The following CNTN4 variants were observed in gnomAD, a reference collection of about 807,000 sequenced individuals.
CNTN4 encodes the protein contactin 4.
Under a neutral mutation model 122.5 loss-of-function variants are expected in CNTN4, and 77 were observed. The ratio of observed to expected loss-of-function variants is 0.63; its 90% confidence interval spans 0.52 to 0.76. The LOEUF (loss-of-function observed/expected upper bound fraction) is 0.76, where lower values mean the gene tolerates loss of function less well. CNTN4 is among the 30% of genes least tolerant of loss of function. The probability of loss-of-function intolerance (pLI) is 0.00; values close to 1 mark genes in which losing one functional copy is unlikely to be tolerated. For missense variants in CNTN4, 1,256 were observed against 1,259.1 expected (o/e 1.00, Z 0.04); for synonymous variants, 512 against 447.0 (o/e 1.15, Z -1.83).
At chr3:2,196,385 A>G (rs984237888) in intron 2 of CNTN4, among the ~76,000 whole-genome samples, 7 of 152,188 alleles carry the variant, frequency 4.6e-5, no homozygotes, top group Non-Finnish European at 1.0e-4. Context: ...CTTAAAGTAT[A>G]ATCTGAGAAC....
At chr3:2,785,501 G>C (rs973258777) in intron 6 of CNTN4, among the ~76,000 whole-genome samples, 3 of 152,182 alleles carry the variant, frequency 2.0e-5, no homozygotes, top group African/African-American at 7.2e-5. Flanking sequence ...TCATCTGGAA[G>C]CACCATTACA....
chr3:2,299,407 T>C (rs997361925), intron 2 of CNTN4, among the ~76,000 whole-genome samples: 2 of 152,268 alleles, frequency 1.3e-5, no homozygotes, highest in Admixed American at 1.3e-4. Context: ...GAGATTGTAG[T>C]GGACCCGTCA....
intron 3 of CNTN4, among the ~76,000 whole-genome samples, chr3:2,547,982 A>T (rs144110111): frequency 2.4e-4 from 36 of 152,212 alleles, no homozygotes; most frequent in Middle Eastern, 3.4e-3. Flanking sequence ...TCCTTTGCCC[A>T]CTTTTTGATG....
intron 3 of CNTN4, among the ~76,000 whole-genome samples, chr3:2,452,120 G>A (rs1411333778): frequency 6.6e-6 from 1 of 152,126 alleles, no homozygotes; most frequent in Non-Finnish European, 1.5e-5. Context: ...TAAAGTGTTA[G>A]CATTGTATAC....
intron 3 of CNTN4, among the ~76,000 whole-genome samples, chr3:2,401,263 G>C (rs755418010): frequency 3.9e-5 from 6 of 152,082 alleles, no homozygotes; most frequent in Admixed American, 2.0e-4. Context: ...ACCCCAAGAG[G>C]TTTCTCAAGG....
chr3:2,967,516 T>C (rs1210113244), intron 13 of CNTN4, among the ~76,000 whole-genome samples: 2 of 152,176 alleles, frequency 1.3e-5, no homozygotes, highest in East Asian at 1.9e-4. Context: ...GCTGTTATTG[T>C]CTTTGTTTTA....
rs542100144 is a variant in CNTN4 at position 2,107,975 on chromosome 3, A to G, written c.-145+7336A>G. ...CTTCTCAAAGCTGATCTCTCCTTAC[A>G]GAGTTATGGAAGGGAAATGGAGGTG... On this transcript the variant is annotated intron_variant, in intron 2 of 24. Transcript: ENST00000418658. Among the ~76,000 whole-genome samples, 4 of 152,226 alleles carry G rather than the reference A, an allele frequency of 2.6e-5. No individual in the cohort carries two copies. The South Asian group carries it at 6.2e-4, about 24-fold the overall frequency.
chr3:2,795,854 T>C (rs571838308), intron 6 of CNTN4, among the ~76,000 whole-genome samples: 1 of 152,278 alleles, frequency 6.6e-6, no homozygotes, highest in South Asian at 2.1e-4. Context: ...ATTTGTCTTG[T>C]ATCCAAAATA....
chr3:2,897,236 A>G (rs911963185), intron 10 of CNTN4, among the ~76,000 whole-genome samples: 16 of 152,192 alleles, frequency 1.1e-4, no homozygotes, highest in African/African-American at 3.9e-4. Flanking sequence ...TATCCAAGAG[A>G]CAAAGTGTGT....
intron 3 of CNTN4, among the ~76,000 whole-genome samples, chr3:2,345,503 C>G (rs560406810): frequency 6.6e-6 from 1 of 152,206 alleles, no homozygotes; most frequent in South Asian, 2.1e-4. Flanking sequence ...AAGGATTATG[C>G]TATGTTGAAT....
chr3:2,177,641 G>A (rs2036811282), intron 2 of CNTN4, among the ~76,000 whole-genome samples: 3 of 134,942 alleles, frequency 2.2e-5, no homozygotes. Context: ...AGAACCAATG[G>A]GATTGTGTGT....
intron 3 of CNTN4, among the ~76,000 whole-genome samples, chr3:2,387,793 T>G (rs571371560): frequency 2.0e-5 from 3 of 152,330 alleles, no homozygotes; most frequent in Admixed American, 6.5e-5. Flanking sequence ...TCTTCATTAT[T>G]TCTTATGTTC....
intron 2 of CNTN4, among the ~76,000 whole-genome samples, chr3:2,277,009 A>G (rs182504755): frequency 7.9e-4 from 121 of 152,332 alleles, no homozygotes; most frequent in East Asian, 7.3e-3. Flanking sequence ...ATATCAATCT[A>G]TATCTTAGAA....
At chr3:2,343,982 G>A (rs563443180) in intron 3 of CNTN4, among the ~76,000 whole-genome samples, 1 of 152,008 alleles carries the variant, frequency 6.6e-6, no homozygotes, top group Admixed American at 6.6e-5. Flanking sequence ...AGAGAGAGGC[G>A]AATCTCTTTT....
chr3:2,861,726 G>C (rs2093673741), intron 7 of CNTN4, among the ~76,000 whole-genome samples: 2 of 152,140 alleles, frequency 1.3e-5, no homozygotes, highest in South Asian at 4.1e-4. Context: ...GTGCACGTGT[G>C]TGTTCCAGTT....
Position 2,638,101 on chromosome 3 carries a change from C to G in CNTN4, c.55+66543C>G, listed in dbSNP as rs148411309. On this transcript the variant is annotated intron_variant, in intron 4 of 24. Coordinates refer to ENST00000418658, the MANE Select transcript of CNTN4 (RefSeq NM_175607.3). ...AGTGGTGGAATTTATAGGAATTTAACAAGTGATAATTATTGTTCTCCTCTT... is the reference window on the plus strand; with the variant it reads ...AGTGGTGGAATTTATAGGAATTTAAGAAGTGATAATTATTGTTCTCCTCTT... Among the ~76,000 whole-genome samples the G allele has an allele frequency of 1.5e-3, 235 of 152,302 alleles. 2 individuals carry two copies. The highest frequency in any genetic ancestry group is 5.4e-3 in the African/African-American group (224 of 41,580).
At chr3:2,343,915 C>G (rs948062128) in intron 3 of CNTN4, among the ~76,000 whole-genome samples, 1 of 152,076 alleles carries the variant, frequency 6.6e-6, no homozygotes, top group East Asian at 1.9e-4. Context: ...AGGAAACTTA[C>G]AATTATGACA....
intron 8 of CNTN4, among the ~76,000 whole-genome samples, chr3:2,880,534 GT>G (rs1410519837): frequency 2.0e-5 from 3 of 152,228 alleles, no homozygotes; most frequent in African/African-American, 7.2e-5. Flanking sequence ...GAATGTTGTT[GT>G]GAGTATGCAC....
At chr3:2,495,571 A>G (rs767014845) in intron 3 of CNTN4, among the ~76,000 whole-genome samples, 1 of 152,222 alleles carries the variant, frequency 6.6e-6, no homozygotes, top group Non-Finnish European at 1.5e-5. Flanking sequence ...GGAGATGAGC[A>G]GCAGGCGAGC....
Sources: allele counts gnomAD v4.1 joint callset (sites outside exome capture counted in the v4.1 genomes callset), GRCh38; gene constraint gnomAD v4.1.1; transcripts MANE v1.5; gene names NCBI Gene and HGNC (gene_info 2026-07-23, HGNC 2026-07-21).